The following CLEC1A variants were observed in gnomAD, a reference collection of about 807,000 sequenced individuals.
The protein encoded by CLEC1A is C-type lectin-like receptor-1.
CLEC1A carries 34 observed loss-of-function variants against 28.7 expected under a neutral mutation model. That is an observed-to-expected ratio of 1.18 (90% confidence interval 0.90 to 1.57). The LOEUF is 1.57. Among genes scored for constraint, CLEC1A ranks in the 40% most tolerant of loss-of-function variants. The pLI, the probability that CLEC1A is intolerant of heterozygous loss-of-function variation, is 0.00. For missense variants in CLEC1A, 385 were observed against 339.5 expected (o/e 1.13, Z -1.05); for synonymous variants, 116 against 121.0 (o/e 0.96, Z 0.27).
intron 1 of CLEC1A, among the ~76,000 whole-genome samples, chr12:10,093,478 G>C (rs1947734962): frequency 6.6e-6 from 1 of 151,182 alleles, no homozygotes; most frequent in Admixed American, 6.6e-5. Flanking sequence ...GTAATTATAT[G>C]AAACTTTGTG....
chr12:10,095,462 T>C (rs1947765030), intron 1 of CLEC1A, among the ~76,000 whole-genome samples: 1 of 152,242 alleles, frequency 6.6e-6, no homozygotes, highest in East Asian at 1.9e-4. Context: ...TGAGTTAGAA[T>C]TTCCCACATC....
At chr12:10,075,749 T>C in intron 3 of CLEC1A, 94 bp from the exon 4 acceptor site, 1 of 1,085,080 alleles carries the variant, frequency 9.2e-7, no homozygotes, top group Non-Finnish European at 1.3e-6. Flanking sequence ...TAAGAAAGAA[T>C]TAACTCTTCC....
intron 1 of CLEC1A, among the ~76,000 whole-genome samples, chr12:10,095,796 T>C (rs1357316718): frequency 1.3e-5 from 2 of 152,208 alleles, no homozygotes; most frequent in African/African-American, 4.8e-5. Flanking sequence ...ATTACTCTAA[T>C]TTTCCATTAC....
chr12:10,075,729 T>G (rs1033553964), intron 3 of CLEC1A, 74 bp from the exon 4 acceptor site: 38 of 1,297,650 alleles, frequency 2.9e-5, no homozygotes, highest in Non-Finnish European at 2.5e-5. Context: ...TTATATAGTA[T>G]TTGATGTCCT....
intron 1 of CLEC1A, chr12:10,092,638 G>GT (rs11444183): frequency 0.74 from 114,746 of 155,328 alleles, 44,621 homozygotes; most frequent in Non-Finnish European, 0.88. Context: ...AGGAGTTGTT[G>GT]TTTTCTGCCC....
At chr12:10,094,256 T>C (rs1947747545) in intron 1 of CLEC1A, among the ~76,000 whole-genome samples, 1 of 152,074 alleles carries the variant, frequency 6.6e-6, no homozygotes, top group South Asian at 2.1e-4. Flanking sequence ...ATATGAATGT[T>C]CTCATCTAGC....
At chr12:10,090,652 A>G (rs1051965370) in intron 1 of CLEC1A, among the ~76,000 whole-genome samples, 1 of 152,132 alleles carries the variant, frequency 6.6e-6, no homozygotes, top group Non-Finnish European at 1.5e-5. Flanking sequence ...TATAATTACT[A>G]TCCTCTGGAA....
At chr12:10,092,794 A>G (rs1434936658) in intron 1 of CLEC1A, among the ~76,000 whole-genome samples, 1 of 152,202 alleles carries the variant, frequency 6.6e-6, no homozygotes, top group Admixed American at 6.5e-5. Flanking sequence ...GGGCAGAAAA[A>G]ATAAAAGAAG....
chr12:10,074,622 C>T (rs1034077273), intron 4 of CLEC1A, among the ~76,000 whole-genome samples: 1 of 152,078 alleles, frequency 6.6e-6, no homozygotes, highest in African/African-American at 2.4e-5. Flanking sequence ...AGGGTTTATG[C>T]TAGGGCACAC....
intron 1 of CLEC1A, among the ~76,000 whole-genome samples, chr12:10,095,696 A>G (rs1046995589): frequency 6.6e-6 from 1 of 152,148 alleles, no homozygotes; most frequent in Non-Finnish European, 1.5e-5. Flanking sequence ...CTTTCGCTTA[A>G]ACTCTCTGCA....
In CLEC1A at chr12:10,070,862, A is replaced by T. The variant is rs1024467609; in HGVS notation, c.*471T>A. The T allele has an allele frequency of 6.5e-6, 1 of 153,604 alleles. No homozygotes were observed. Among genetic ancestry groups the T allele is most frequent in the Admixed American group, 6.5e-5 (1 of 15,330 alleles). 9.5% of individuals were successfully genotyped at this position (153,604 alleles called of 1,614,324 possible). On this transcript the variant is annotated 3_prime_UTR_variant, in exon 6 of 6. Coordinates refer to ENST00000315330, the MANE Select transcript of CLEC1A (RefSeq NM_016511.4). ...TGGGAAGGGACTAGTATGAACTGAA[A>T]CAAACAAAAAGAATTCCTTGTGTAT...
At chr12:10,096,318 T>C (rs1039684941) in intron 1 of CLEC1A, among the ~76,000 whole-genome samples, 2 of 152,162 alleles carry the variant, frequency 1.3e-5, no homozygotes, top group Admixed American at 6.5e-5. Flanking sequence ...CGAAGTCCCT[T>C]TCCTTGTCTC....
chr12:10,094,081 C>T (rs1398074892), intron 1 of CLEC1A, among the ~76,000 whole-genome samples: 1 of 152,064 alleles, frequency 6.6e-6, no homozygotes, highest in Non-Finnish European at 1.5e-5. Context: ...GGTTCTAATT[C>T]ACAGTATTTA....
chr12:10,098,503 T>C (rs915303479), intron 1 of CLEC1A, among the ~76,000 whole-genome samples: 1 of 152,144 alleles, frequency 6.6e-6, no homozygotes, highest in African/African-American at 2.4e-5. Context: ...GAAAGTGGCA[T>C]ACCTGGTTTA....
In CLEC1A at chr12:10,069,746, C is replaced by T. The variant is rs970826496; in HGVS notation, c.*1587G>A. On this transcript the variant is annotated 3_prime_UTR_variant, in exon 6 of 6. Transcript: ENST00000315330. ...TTCTTTGCATGACACAATATATCAA[C>T]AGAACTTGCTCGACCCTGAAGAAAA... is the stretch of plus-strand genomic sequence containing the variant. 6.6e-6 allele frequency: 1 copy of T among 152,114 alleles called. No individual in the cohort carries two copies. Among genetic ancestry groups the T allele is most frequent in the Non-Finnish European group, 1.5e-5 (1 of 68,004 alleles). 9.4% of individuals were successfully genotyped at this position (152,114 alleles called of 1,614,324 possible).
intron 3 of CLEC1A, among the ~76,000 whole-genome samples, chr12:10,079,832 A>G (rs1371089403): frequency 6.6e-6 from 1 of 152,074 alleles, no homozygotes; most frequent in Non-Finnish European, 1.5e-5. Flanking sequence ...AAAAAAAATT[A>G]AAAATAAAAG....
rs77780921 is a variant in CLEC1A, at chr12:10,077,947, C to T, written c.392-2292G>A. On this transcript the variant is annotated intron_variant, in intron 3 of 5. Coordinates refer to ENST00000315330, the MANE Select transcript of CLEC1A (RefSeq NM_016511.4). ...AGAATTCTTCTTCCTTTCACTCGAC[C>T]ACATCTCTATGCTTCTAGTTGTTTT... 2.1e-4 allele frequency among the ~76,000 whole-genome samples: 32 copies of T among 152,206 alleles called. No individual in the cohort carries two copies. In the East Asian group the frequency reaches 5.8e-3, roughly 28 times the overall value.
chr12:10,090,984 C>G (rs546084218), intron 1 of CLEC1A, among the ~76,000 whole-genome samples: 1 of 152,264 alleles, frequency 6.6e-6, no homozygotes, highest in East Asian at 1.9e-4. Context: ...CTCCTCACAA[C>G]GGTCTCCCGT....
At chr12:10,084,821 CA>C (rs57574014) in intron 2 of CLEC1A, among the ~76,000 whole-genome samples, 3,313 of 83,230 alleles carry the variant, frequency 0.04, 73 homozygotes, top group African/African-American at 0.12. Flanking sequence ...GACTCTGTAT[CA>C]AAAAAAAAAA....
Sources: allele counts gnomAD v4.1 joint callset (sites outside exome capture counted in the v4.1 genomes callset), GRCh38; gene constraint gnomAD v4.1.1; transcripts MANE v1.5; gene names NCBI Gene and HGNC (gene_info 2026-07-23, HGNC 2026-07-21).